Variants in NTM observed in about 807,000 individuals in gnomAD.
NTM encodes the protein IgLON family member 2.
In NTM, 13 loss-of-function variants were observed where a neutral mutation model predicts 42.1. The observed-to-expected ratio is 0.31, with a 90% CI of 0.20 to 0.49. The LOEUF is 0.49. NTM is among the 20% of genes least tolerant of loss of function. The probability of loss-of-function intolerance (pLI) is 0.99; values close to 1 mark genes in which losing one functional copy is unlikely to be tolerated. For synonymous variants in NTM, 187 were observed against 179.2 expected, an observed-to-expected ratio of 1.04 and a Z score of -0.35; for missense variants, 373 against 452.8, an observed-to-expected ratio of 0.82 and a Z score of 1.60.
chr11:131,413,677 T>A (rs1287685386), intron 1 of NTM, among the ~76,000 whole-genome samples: 1 of 152,204 alleles, frequency 6.6e-6, no homozygotes, highest in Non-Finnish European at 1.5e-5. Flanking sequence ...TTGCCAAACC[T>A]AGGGATGTTA....
At chr11:131,385,277 A>G (rs538845987) in intron 1 of NTM, 1 of 152,322 alleles carries the variant, frequency 6.6e-6, no homozygotes, top group African/African-American at 2.4e-5. Context: ...AAAAAGTAGT[A>G]TTCCCTTGAT....
intron 3 of NTM, among the ~76,000 whole-genome samples, chr11:132,154,876 C>T (rs902737787): frequency 1.3e-5 from 2 of 152,208 alleles, no homozygotes; most frequent in Non-Finnish European, 2.9e-5. Context: ...GAATTCACTC[C>T]TGGAGTTTTT....
Position 131,482,293 on chromosome 11 carries a change from C to A in NTM, c.82+111405C>A, listed in dbSNP as rs533204084. On this transcript the variant is annotated intron_variant, in intron 1 of 8. Coordinates refer to ENST00000683400, the MANE Select transcript of NTM (RefSeq NM_001352005.2). The stretch of plus-strand genomic sequence containing the variant: ...CTTCTGTCCAGCTCTTGATTCCCCC[C>A]ACCCATCACAATCTTCAGGTGTAGT... 1.9e-3 allele frequency among the ~76,000 whole-genome samples: 286 copies of A among 152,336 alleles called. 1 individual carries two copies. Among genetic ancestry groups the A allele is most frequent in the Admixed American group, 4.4e-3 (67 of 15,302 alleles).
intron 2 of NTM, among the ~76,000 whole-genome samples, chr11:131,974,285 AAATG>A (rs764476350): frequency 2.6e-5 from 4 of 152,160 alleles, no homozygotes; most frequent in Middle Eastern, 3.2e-3. Context: ...ATCTGTGTTC[AAATG>A]AATGAATGAA....
intron 4 of NTM, among the ~76,000 whole-genome samples, chr11:132,224,126 T>C (rs1304181534): frequency 6.6e-6 from 1 of 151,932 alleles, no homozygotes; most frequent in Non-Finnish European, 1.5e-5. Flanking sequence ...AGAGAAAAGG[T>C]CTCCACTTGA....
chr11:131,884,333 C>T (rs985369862), intron 1 of NTM, among the ~76,000 whole-genome samples: 3 of 151,972 alleles, frequency 2.0e-5, no homozygotes, highest in African/African-American at 4.8e-5. Flanking sequence ...CATTTGAACC[C>T]GGGAGGCAGA....
chr11:131,909,663 A>G (rs515136), intron 1 of NTM: 121,391 of 152,270 alleles, frequency 0.8, 48,630 homozygotes, highest in East Asian at 0.87. Context: ...CTTGCACAAG[A>G]ACCAGGCCCA....
At chr11:131,890,208 C>T (rs1021555937) in intron 1 of NTM, among the ~76,000 whole-genome samples, 7 of 151,842 alleles carry the variant, frequency 4.6e-5, no homozygotes, top group African/African-American at 1.7e-4. Context: ...CACACACACA[C>T]ATATCCACCT....
intron 1 of NTM, among the ~76,000 whole-genome samples, chr11:131,498,069 C>T (rs1417204164): frequency 1.3e-5 from 2 of 152,198 alleles, no homozygotes; most frequent in East Asian, 1.9e-4. Flanking sequence ...CTCTCCGTTT[C>T]TCCATCGCTC....
intron 2 of NTM, among the ~76,000 whole-genome samples, chr11:132,131,598 A>G (rs1857363448): frequency 6.6e-6 from 1 of 151,956 alleles, no homozygotes; most frequent in Non-Finnish European, 1.5e-5. Flanking sequence ...AGTGTGGGAA[A>G]TGGGTTGGGG....
intron 3 of NTM, among the ~76,000 whole-genome samples, chr11:132,168,917 C>T (rs553370287): frequency 6.6e-6 from 1 of 152,304 alleles, no homozygotes; most frequent in South Asian, 2.1e-4. Context: ...GAGGCTTATG[C>T]TCCCTGGGAT....
At chr11:131,664,504 C>T (rs1243025748) in intron 1 of NTM, among the ~76,000 whole-genome samples, 1 of 152,138 alleles carries the variant, frequency 6.6e-6, no homozygotes, top group South Asian at 2.1e-4. Context: ...CAAAATTAGC[C>T]TGCCAATCAC....
At chr11:131,752,537 G>A (rs2082697077) in intron 1 of NTM, among the ~76,000 whole-genome samples, 1 of 152,156 alleles carries the variant, frequency 6.6e-6, no homozygotes, top group South Asian at 2.1e-4. Context: ...TCCCATTACT[G>A]GGTATATACC....
chr11:131,520,754 GA>G (rs67512633), intron 1 of NTM, among the ~76,000 whole-genome samples: 10,510 of 149,126 alleles, frequency 0.07, 1,242 homozygotes, highest in African/African-American at 0.24. Context: ...ACCCTTAAAA[GA>G]AAAAAAAAAA....
intron 1 of NTM, among the ~76,000 whole-genome samples, chr11:131,539,965 G>T (rs376180883): frequency 1.4e-4 from 21 of 152,074 alleles, no homozygotes; most frequent in African/African-American, 4.6e-4. Flanking sequence ...AGGAACACAC[G>T]AAGTTCCAGG....
intron 1 of NTM, among the ~76,000 whole-genome samples, chr11:131,710,979 G>T (rs1177674163): frequency 1.3e-5 from 2 of 152,010 alleles, no homozygotes; most frequent in Non-Finnish European, 2.9e-5. Context: ...TCTCTCCAAG[G>T]CCTCCTTTTT....
chr11:131,475,142 C>T (rs1347703554), intron 1 of NTM, among the ~76,000 whole-genome samples: 1 of 152,160 alleles, frequency 6.6e-6, no homozygotes. Context: ...TCTGTTCTCC[C>T]AGTTGGCTGG....
intron 2 of NTM, among the ~76,000 whole-genome samples, chr11:131,918,148 C>T (rs1171100639): frequency 2.0e-5 from 3 of 152,096 alleles, no homozygotes; most frequent in Non-Finnish European, 2.9e-5. Flanking sequence ...ATCAGTCTTG[C>T]GTAAGGAGGC....
chr11:131,516,291 G>C, intron 1 of NTM, among the ~76,000 whole-genome samples: 1 of 152,178 alleles, frequency 6.6e-6, no homozygotes, highest in Non-Finnish European at 1.5e-5. Context: ...TATTAATTCA[G>C]GGGCGTGTAG....
Sources: gnomAD v4.1 joint callset for allele counts (sites outside exome capture counted in the v4.1 genomes callset) on GRCh38, gnomAD v4.1.1 for gene constraint, MANE v1.5 for transcripts, NCBI Gene and HGNC (gene_info 2026-07-23, HGNC 2026-07-21) for gene names.